Variants in KALRN observed in about 807,000 individuals in gnomAD.
KALRN encodes kalirin.
Under a neutral mutation model 353.7 loss-of-function variants are expected in KALRN, and 70 were observed. That is an observed-to-expected ratio of 0.20 (90% CI 0.16 to 0.24). The LOEUF (loss-of-function observed/expected upper bound fraction) is 0.24. KALRN is among the 10% of genes least tolerant of loss of function. KALRN has a pLI of 1.00. For missense variants in KALRN, 2,791 were observed against 3,756.7 expected (o/e 0.74, Z 6.72); for synonymous variants, 1,391 against 1,434.8 (o/e 0.97, Z 0.69).
intron 33 of KALRN, among the ~76,000 whole-genome samples, chr3:124,556,269 ATAAAG>A (rs1561282201): frequency 6.6e-6 from 1 of 152,242 alleles, no homozygotes. Flanking sequence ...GCAAGCAAAG[ATAAAG>A]TAAATTGTAA....
intron 1 of KALRN, among the ~76,000 whole-genome samples, chr3:124,098,634 C>T (rs561068547): frequency 2.0e-5 from 3 of 152,174 alleles, no homozygotes; most frequent in Non-Finnish European, 4.4e-5. Context: ...CTGTGCTGGG[C>T]CACCTTCGCC....
chr3:124,620,542 A>G (rs2079148333), intron 34 of KALRN, among the ~76,000 whole-genome samples: 1 of 152,204 alleles, frequency 6.6e-6, no homozygotes. Context: ...TTGAAATAAT[A>G]TCTAGAATAT....
intron 5 of KALRN, among the ~76,000 whole-genome samples, chr3:124,285,114 G>C (rs2075708842): frequency 6.6e-6 from 1 of 152,074 alleles, no homozygotes; most frequent in South Asian, 2.1e-4. Context: ...CAATTTCGTT[G>C]GTTCATACTC....
At chr3:124,464,598 TA>T (rs2060150612) in intron 25 of KALRN, among the ~76,000 whole-genome samples, 2 of 152,076 alleles carry the variant, frequency 1.3e-5, no homozygotes, top group Non-Finnish European at 2.9e-5. Context: ...ATTATCGAGT[TA>T]GAATATTATG....
At chr3:124,541,571 C>A (rs1429593368) in intron 33 of KALRN, among the ~76,000 whole-genome samples, 1 of 151,864 alleles carries the variant, frequency 6.6e-6, no homozygotes, top group Non-Finnish European at 1.5e-5. Context: ...CATTTAGTTG[C>A]TTGGAAAAGA....
chr3:124,121,364 A>G (rs2064012665), intron 1 of KALRN, among the ~76,000 whole-genome samples: 2 of 152,248 alleles, frequency 1.3e-5, no homozygotes, highest in Non-Finnish European at 2.9e-5. Flanking sequence ...AAATTTTTCT[A>G]GGCTGGAGTA....
At chr3:124,710,388 AT>A (rs2062834071) in intron 57 of KALRN, among the ~76,000 whole-genome samples, 1 of 152,222 alleles carries the variant, frequency 6.6e-6, no homozygotes, top group South Asian at 2.1e-4. Flanking sequence ...AACAGAAATA[AT>A]TAAAACTGAA....
chr3:124,699,655 A>G (rs2062223399), intron 55 of KALRN, among the ~76,000 whole-genome samples: 1 of 152,202 alleles, frequency 6.6e-6, no homozygotes, highest in Admixed American at 6.5e-5. Flanking sequence ...TCTATAGGCC[A>G]GCTTCTTCCA....
intron 6 of KALRN, among the ~76,000 whole-genome samples, chr3:124,304,135 CACA>C: frequency 6.7e-6 from 1 of 149,920 alleles, no homozygotes; most frequent in African/African-American, 2.4e-5. Flanking sequence ...TAAACACACA[CACA>C]CACACACACA....
At chr3:124,529,538 T>C (rs1283506985) in intron 33 of KALRN, among the ~76,000 whole-genome samples, 1 of 152,052 alleles carries the variant, frequency 6.6e-6, no homozygotes, top group East Asian at 1.9e-4. Flanking sequence ...AATTATAGCG[T>C]TGGAGCTTCT....
At chr3:124,304,294 T>A (rs569411130) in intron 6 of KALRN, among the ~76,000 whole-genome samples, 1 of 152,326 alleles carries the variant, frequency 6.6e-6, no homozygotes, top group African/African-American at 2.4e-5. Context: ...CTTTTTAGTA[T>A]AATTTTTTGT....
chr3:124,092,437 T>C (rs972963517), intron 1 of KALRN, among the ~76,000 whole-genome samples: 4 of 152,216 alleles, frequency 2.6e-5, no homozygotes, highest in Non-Finnish European at 2.9e-5. Flanking sequence ...GGAGATGCAC[T>C]CTCTCTGCAG....
chr3:124,692,712 G>A (rs561448407), intron 51 of KALRN, among the ~76,000 whole-genome samples: 4 of 152,342 alleles, frequency 2.6e-5, no homozygotes, highest in Non-Finnish European at 5.9e-5. Flanking sequence ...AGCACTTGAT[G>A]TACAAGATTT....
chr3:124,121,093 C>CAAAAAAAA (rs35883031), intron 1 of KALRN, among the ~76,000 whole-genome samples: 18 of 74,980 alleles, frequency 2.4e-4, no homozygotes, highest in Admixed American at 5.5e-4. Flanking sequence ...GACTCCATCT[C>CAAAAAAAA]AAAAAAAAAA....
intron 1 of KALRN, among the ~76,000 whole-genome samples, chr3:124,113,827 T>C (rs2063216584): frequency 6.6e-6 from 1 of 152,198 alleles, no homozygotes; most frequent in African/African-American, 2.4e-5. Context: ...AATAAATACA[T>C]GAACTGGCAG....
At chr3:124,192,895 A>G (rs1019142123) in intron 1 of KALRN, among the ~76,000 whole-genome samples, 5 of 152,238 alleles carry the variant, frequency 3.3e-5, no homozygotes, top group Admixed American at 1.3e-4. Flanking sequence ...GTGTTTTGTT[A>G]TGGAAGCCCT....
chr3:124,186,167 A>C (rs944838184), intron 1 of KALRN, among the ~76,000 whole-genome samples: 3 of 152,208 alleles, frequency 2.0e-5, no homozygotes, highest in Non-Finnish European at 4.4e-5. Flanking sequence ...GAGAGGATAC[A>C]GGACTCCTCT....
At chr3:124,226,467 T>A (rs1488870341) in intron 1 of KALRN, among the ~76,000 whole-genome samples, 1 of 152,220 alleles carries the variant, frequency 6.6e-6, no homozygotes, top group African/African-American at 2.4e-5. Flanking sequence ...CTCTGTCAGC[T>A]AGTAAAGAGA....
At chr3:124,367,571 T>C in intron 10 of KALRN, among the ~76,000 whole-genome samples, 1 of 53,130 alleles carries the variant, frequency 1.9e-5, no homozygotes, top group Admixed American at 1.7e-4. Flanking sequence ...GCTCCTCACT[T>C]CCCAGTAGGG....
Sources: gnomAD v4.1 joint callset for allele counts (sites outside exome capture counted in the v4.1 genomes callset) on GRCh38, gnomAD v4.1.1 for gene constraint, MANE v1.5 for transcripts, NCBI Gene and HGNC (gene_info 2026-07-23, HGNC 2026-07-21) for gene names.